Variants in RBM19 observed in about 807,000 individuals in gnomAD.
RBM19 encodes the protein probable RNA-binding protein 19.
Under a neutral mutation model 116.8 loss-of-function variants are expected in RBM19, and 94 were observed. The observed-to-expected ratio is 0.80, with a 90% confidence interval of 0.68 to 0.95. RBM19 has a LOEUF of 0.95. RBM19 is among the 40% of genes least tolerant of loss of function. The pLI is 0.00. For synonymous variants in RBM19, 475 were observed against 494.1 expected (o/e 0.96, Z 0.51); for missense variants, 1,161 against 1,220.7 (o/e 0.95, Z 0.73).
At chr12:113,940,954 T>G (rs778555978) in intron 14 of RBM19, among the ~76,000 whole-genome samples, 1 of 152,170 alleles carries the variant, frequency 6.6e-6, no homozygotes, top group South Asian at 2.1e-4. Context: ...TAAAAGTACA[T>G]GTAATATGAG....
intron 23 of RBM19, among the ~76,000 whole-genome samples, chr12:113,835,847 A>G (rs1450264287): frequency 2.0e-5 from 3 of 152,200 alleles, no homozygotes; most frequent in Admixed American, 2.0e-4. Flanking sequence ...CCCAGCTGGA[A>G]TAAGACAACA....
intron 21 of RBM19, among the ~76,000 whole-genome samples, chr12:113,879,995 G>A (rs906757072): frequency 6.6e-6 from 1 of 151,448 alleles, no homozygotes; most frequent in Non-Finnish European, 1.5e-5. Flanking sequence ...ACAGCTCCCC[G>A]GGCAGCCCCT....
chr12:113,868,892 G>T (rs952942117), intron 21 of RBM19, among the ~76,000 whole-genome samples: 4 of 152,198 alleles, frequency 2.6e-5, no homozygotes, highest in Non-Finnish European at 4.4e-5. Flanking sequence ...CCTAAGTGCG[G>T]AGCCAGACTT....
chr12:113,885,092 A>C (rs1880430134), intron 21 of RBM19, among the ~76,000 whole-genome samples: 1 of 152,228 alleles, frequency 6.6e-6, no homozygotes, highest in African/African-American at 2.4e-5. Context: ...AGTGGAAGCT[A>C]AAACTAGTAA....
chr12:113,829,305 G>A (rs1364609457), intron 23 of RBM19, among the ~76,000 whole-genome samples: 4 of 152,228 alleles, frequency 2.6e-5, no homozygotes. Context: ...AAAACACAGC[G>A]AGTCCTTCTA....
chr12:113,897,208 G>A (rs1002914214), intron 21 of RBM19, among the ~76,000 whole-genome samples: 31 of 152,232 alleles, frequency 2.0e-4, no homozygotes, highest in South Asian at 6.2e-4. Context: ...TCGCTCTGTC[G>A]CCCAGGCTGG....
chr12:113,901,971 T>C (rs1465402692), intron 21 of RBM19, among the ~76,000 whole-genome samples: 2 of 152,224 alleles, frequency 1.3e-5, no homozygotes, highest in African/African-American at 4.8e-5. Context: ...AATTTTGAGA[T>C]AATTATAGAT....
rs1882686183 is a variant in RBM19, at chr12:113,915,027, T to A, written c.2500A>T (p.Ile834Phe). ...TGGAAGGGGATGTTCCGCACCAGGA[T>A]CTTGGAGGTGGTCTGCTTTCTGGGA... The part of the protein sequence containing the change: ...QVPRKQTTSK[I>F]LVRNIPFQAH... The change falls in exon 21 of 24, where the codon ATC (isoleucine) becomes TTC (phenylalanine). Residue 834 changes from isoleucine (I) to phenylalanine (F), a missense_variant. Transcript: ENST00000261741. 1 of 1,614,048 alleles carries A rather than the reference T, an allele frequency of 6.2e-7. No homozygotes were observed.
intron 6 of RBM19, 67 bp from the exon 7 acceptor site, chr12:113,955,278 C>T: frequency 6.8e-7 from 1 of 1,475,644 alleles, no homozygotes; most frequent in South Asian, 1.1e-5. Context: ...GGAGGTGGCA[C>T]ACTGGGACAT....
At chr12:113,844,022 G>A (rs759906) in intron 23 of RBM19, among the ~76,000 whole-genome samples, 1 of 152,188 alleles carries the variant, frequency 6.6e-6, no homozygotes, top group African/African-American at 2.4e-5. Flanking sequence ...ATGTGTCCCA[G>A]CCTCTTCCAC....
intron 23 of RBM19, among the ~76,000 whole-genome samples, chr12:113,840,385 A>G (rs2135710966): frequency 6.6e-6 from 1 of 152,304 alleles, no homozygotes; most frequent in South Asian, 2.1e-4. Flanking sequence ...GGGCCATATC[A>G]GCATCCTCTC....
At chr12:113,911,785 C>A (rs1232752328) in intron 21 of RBM19, among the ~76,000 whole-genome samples, 2 of 152,170 alleles carry the variant, frequency 1.3e-5, no homozygotes, top group African/African-American at 4.8e-5. Flanking sequence ...TGAGGCACTG[C>A]AGCGCACGGG....
chr12:113,919,069 G>A (rs147174270), intron 19 of RBM19, among the ~76,000 whole-genome samples: 56 of 152,212 alleles, frequency 3.7e-4, no homozygotes, highest in African/African-American at 1.2e-3. Flanking sequence ...AGAGAAACAC[G>A]GACCACTGAA....
intron 21 of RBM19, among the ~76,000 whole-genome samples, chr12:113,884,888 T>A (rs1880416280): frequency 6.8e-6 from 1 of 147,390 alleles, no homozygotes; most frequent in South Asian, 2.3e-4. Flanking sequence ...TGTAACTCAT[T>A]AAATAAAATA....
chr12:113,877,878 T>A (rs777149121), intron 21 of RBM19, among the ~76,000 whole-genome samples: 4 of 152,146 alleles, frequency 2.6e-5, no homozygotes, highest in Non-Finnish European at 4.4e-5. Context: ...GGACAGCAAT[T>A]ACCATTTTAA....
At chr12:113,904,720 C>T (rs1295731921) in intron 21 of RBM19, among the ~76,000 whole-genome samples, 1 of 152,204 alleles carries the variant, frequency 6.6e-6, no homozygotes, top group Non-Finnish European at 1.5e-5. Flanking sequence ...TTGAGGCACA[C>T]AACCTTGGCA....
chr12:113,822,032 T>C (rs1432616228), downstream of RBM19: 25 of 152,250 alleles, frequency 1.6e-4, no homozygotes, highest in Admixed American at 1.6e-3. Flanking sequence ...CCAGTGACTC[T>C]AAATGAAGAA....
At chr12:113,947,712 A>G (rs182265997) in intron 10 of RBM19, among the ~76,000 whole-genome samples, 1 of 152,360 alleles carries the variant, frequency 6.6e-6, no homozygotes, top group African/African-American at 2.4e-5. Flanking sequence ...TCTGTAAAAC[A>G]GCACAACAGT....
At chr12:113,942,194 A>G (rs548251686) in intron 14 of RBM19, 130 bp downstream of exon 14, 6 of 789,884 alleles carry the variant, frequency 7.6e-6, no homozygotes, top group Non-Finnish European at 1.2e-5. Flanking sequence ...TCTTTTCTTT[A>G]GAGACAATTT....
Sources: allele counts gnomAD v4.1 joint callset (sites outside exome capture counted in the v4.1 genomes callset), GRCh38; gene constraint gnomAD v4.1.1; transcripts MANE v1.5; gene names NCBI Gene and HGNC (gene_info 2026-07-23, HGNC 2026-07-21).